Variants in FBXW8 observed in about 807,000 individuals in gnomAD.
FBXW8 encodes the protein F-box and WD repeat domain containing 8.
FBXW8 carries 57 observed loss-of-function variants against 65.3 expected under a neutral mutation model. The ratio of observed to expected loss-of-function variants is 0.87; its 90% CI spans 0.71 to 1.09. The LOEUF (loss-of-function observed/expected upper bound fraction) is 1.09, where lower values mean the gene tolerates loss of function less well. FBXW8 is among the 50% of genes least tolerant of loss of function. The probability of loss-of-function intolerance (pLI) is 0.00; values close to 1 mark genes in which losing one functional copy is unlikely to be tolerated. For missense variants in FBXW8, 777 were observed against 814.8 expected (o/e 0.95, Z 0.57); for synonymous variants, 308 against 330.2 (o/e 0.93, Z 0.73).
intron 4 of FBXW8, among the ~76,000 whole-genome samples, chr12:116,955,003 A>G (rs1209993535): frequency 1.4e-5 from 2 of 142,518 alleles, no homozygotes; most frequent in Non-Finnish European, 1.5e-5. Context: ...CCTCTTGGCA[A>G]CATTTGGTGC....
chr12:117,006,799 G>C (rs922579672), intron 7 of FBXW8, among the ~76,000 whole-genome samples: 4 of 152,220 alleles, frequency 2.6e-5, no homozygotes, highest in African/African-American at 9.6e-5. Flanking sequence ...GAAGATGATT[G>C]ATAAATATCT....
Position 117,028,157 on chromosome 12 carries a change from C to A in FBXW8, c.1782C>A (p.Pro594=). The A allele has an allele frequency of 1.2e-6, 2 of 1,614,110 alleles. No individual in the cohort carries two copies. Among genetic ancestry groups the A allele is most frequent in the African/African-American group, 2.7e-5 (2 of 75,064 alleles). ...THYYDLALAF[P]YNHV ...ACTACGACCTCGCACTGGCCTTTCCCTATAACCATGTTTAGGGATGTGCCT... is the reference window on the plus strand; with the variant it reads ...ACTACGACCTCGCACTGGCCTTTCCATATAACCATGTTTAGGGATGTGCCT... Residue 594 remains proline, a synonymous_variant, in exon 11 of 11, where the codon CCC becomes CCA. Coordinates refer to ENST00000652555, the MANE Select transcript of FBXW8 (RefSeq NM_153348.3). The surrounding 1 kb of genome is among the most constrained non-coding windows in gnomAD (Gnocchi z 4.1).
chr12:116,975,927 G>T (rs1052451468), intron 5 of FBXW8, among the ~76,000 whole-genome samples: 2 of 152,186 alleles, frequency 1.3e-5, no homozygotes, highest in Admixed American at 6.5e-5. Context: ...AAATATGCTG[G>T]TAAGAGGACA....
In FBXW8 at chr12:116,961,454, C is replaced by T. The variant is rs11068267; in HGVS notation, c.678-3243C>T. Among the ~76,000 whole-genome samples the T allele has an allele frequency of 8.5e-3, 1,286 of 152,160 alleles. 60 individuals carry two copies. The South Asian group carries it at 0.1, about 12-fold the overall frequency. Reference sequence around the variant, plus strand: ...AGCATTTGGGATCCTCTCTGGAAGCCGGCCCGTGTGAAGGGAGAGTAGAAA... The same window carrying T: ...AGCATTTGGGATCCTCTCTGGAAGCTGGCCCGTGTGAAGGGAGAGTAGAAA... On this transcript the variant is annotated intron_variant, in intron 4 of 10. Coordinates refer to ENST00000652555, the MANE Select transcript of FBXW8 (RefSeq NM_153348.3). The surrounding 1 kb of genome is among the most constrained non-coding windows in gnomAD (Gnocchi z 4.4).
At position 116,928,589 on chromosome 12, in the gene FBXW8, T is replaced by A. The variant is rs17501253; in HGVS notation, c.423+462T>A. Among the ~76,000 whole-genome samples, 7 of 152,254 alleles carry A rather than the reference T, an allele frequency of 4.6e-5. 1 individual carries two copies. In the South Asian group the frequency reaches 8.3e-4, roughly 18 times the overall value. Reference sequence around the variant, plus strand: ...ATAGTCCAAATTACCCTTTAAACTTTAGGATCTCACTCAGTGAGGTGCAAG... The same window carrying A: ...ATAGTCCAAATTACCCTTTAAACTTAAGGATCTCACTCAGTGAGGTGCAAG... On this transcript the variant is annotated intron_variant, in intron 2 of 10. Transcript: ENST00000652555.
chr12:116,988,759 G>C lies in FBXW8; in HGVS notation c.1129G>C (p.Ala377Pro). Residue 377 changes from alanine to proline, a missense_variant, in exon 7 of 11, where the codon GCC (alanine) becomes CCC (proline). Ala to Pro is a conservative substitution (Grantham distance 27). Transcript: ENST00000652555. ...GTACCTGCTCAAAGCCGAAGACTCC[G>C]CCAGAACCCTCCTTTACGCCCACGG... Reference protein sequence around the residue: ...LMYLLKAEDSARTLLYAHGPP... With the variant: ...LMYLLKAEDSPRTLLYAHGPP... 1 of 1,614,118 alleles carries C rather than the reference G, an allele frequency of 6.2e-7. No individual in the cohort carries two copies. Among genetic ancestry groups the C allele is most frequent in the Non-Finnish European group, 8.5e-7 (1 of 1,180,016 alleles).
intron 5 of FBXW8, chr12:116,980,490 A>G (rs995363775): frequency 6.6e-6 from 1 of 152,164 alleles, no homozygotes; most frequent in South Asian, 2.1e-4. Flanking sequence ...TGAATTCCTT[A>G]CCATAGGGCA....
chr12:116,982,665 G>C (rs1187176255), intron 5 of FBXW8, among the ~76,000 whole-genome samples: 1 of 148,850 alleles, frequency 6.7e-6, no homozygotes, highest in Non-Finnish European at 1.5e-5. Flanking sequence ...TCTCAGGATA[G>C]CTCTGTGCTA....
In FBXW8 at chr12:116,988,696, A is replaced by T. The variant is rs1211646103; in HGVS notation, c.1066A>T (p.Arg356Trp). Residue 356 changes from arginine to tryptophan, a missense_variant, in exon 7 of 11, where the codon AGG (arginine) becomes TGG (tryptophan). Transcript: ENST00000652555. ...CCTTGAAATAGTTCCAGAAACCAGA[A>T]GGTACCCTGTGGCAGTAGCCGCTGC... ...QYLEIVPETR[R>W]YPVAVAAAGD... 1 of 1,614,156 alleles carries T rather than the reference A, an allele frequency of 6.2e-7. No individual in the cohort carries two copies. Among genetic ancestry groups the T allele is most frequent in the Non-Finnish European group, 8.5e-7 (1 of 1,180,020 alleles).
At chr12:116,929,929 C>T (rs1426240063) in intron 2 of FBXW8, among the ~76,000 whole-genome samples, 1 of 152,164 alleles carries the variant, frequency 6.6e-6, no homozygotes, top group Admixed American at 6.5e-5. Flanking sequence ...TGAGATCATG[C>T]AATATTTGTC....
intron 7 of FBXW8, among the ~76,000 whole-genome samples, 186 bp from the exon 8 acceptor site, chr12:117,010,137 G>A (rs1953768210): frequency 6.6e-6 from 1 of 152,108 alleles, no homozygotes; most frequent in Non-Finnish European, 1.5e-5. Context: ...ATTTCTTTTT[G>A]GCACTCTTAA....
chr12:117,028,230 T>G lies in FBXW8; in HGVS notation c.*58T>G. On this transcript the variant is annotated 3_prime_UTR_variant, in exon 11 of 11. Coordinates refer to ENST00000652555, the MANE Select transcript of FBXW8 (RefSeq NM_153348.3). This position sits in a 1 kb window ranked among gnomAD's most constrained non-coding sequence, Gnocchi z 4.1. ...TGGGAAGAACCAGTTTTATCCATCTTAAAACGCCAGGCACCTCTTCACAGG... is the reference window on the plus strand; with the variant it reads ...TGGGAAGAACCAGTTTTATCCATCTGAAAACGCCAGGCACCTCTTCACAGG... 1 of 1,597,024 alleles carries G rather than the reference T, an allele frequency of 6.3e-7. No individual in the cohort carries two copies. Among genetic ancestry groups the G allele is most frequent in the South Asian group, 1.1e-5 (1 of 89,890 alleles).
chr12:116,952,453 C>G (rs1328121744), intron 4 of FBXW8, among the ~76,000 whole-genome samples: 2 of 152,126 alleles, frequency 1.3e-5, no homozygotes, highest in African/African-American at 2.4e-5. Flanking sequence ...AATTCCAGAA[C>G]ATTTTCATCA....
At chr12:116,981,352 A>T (rs1305123095) in intron 5 of FBXW8, among the ~76,000 whole-genome samples, 4 of 152,256 alleles carry the variant, frequency 2.6e-5, no homozygotes, top group Admixed American at 6.5e-5. Flanking sequence ...CAAACCTTGC[A>T]GAAGCTGCAG....
chr12:117,004,243 C>T (rs562830859), intron 7 of FBXW8, among the ~76,000 whole-genome samples: 11 of 152,254 alleles, frequency 7.2e-5, no homozygotes, highest in African/African-American at 2.4e-4. Flanking sequence ...CTGCTTAATC[C>T]GATTTCCTAC....
intron 9 of FBXW8, among the ~76,000 whole-genome samples, 155 bp from the exon 10 acceptor site, chr12:117,027,239 G>C (rs935166480): frequency 6.6e-6 from 1 of 152,198 alleles, no homozygotes; most frequent in African/African-American, 2.4e-5. Context: ...ACTGAGGTGA[G>C]ACACTGCTTC....
rs1282274070 is a variant in FBXW8, at chr12:117,029,097, CT to C, written c.*926del. 2 of 152,208 alleles carry C rather than the reference CT, an allele frequency of 1.3e-5. No homozygotes were observed. The highest frequency in any genetic ancestry group is 4.8e-5 in the African/African-American group (2 of 41,458). The allele number at this position is 152,208 out of a possible 1,614,324, so 9.4% of individuals were successfully genotyped here. On this transcript the variant is annotated 3_prime_UTR_variant, in exon 11 of 11. Transcript: ENST00000652555. ...GATCTGGAGGATTTACTTAGTATCG[CT>C]AACAAGCTGGATCCAGTAGATGCGT... is the stretch of plus-strand genomic sequence containing the variant.
intron 5 of FBXW8, among the ~76,000 whole-genome samples, chr12:116,966,881 A>G (rs529334356): frequency 2.5e-4 from 38 of 152,188 alleles, no homozygotes; most frequent in African/African-American, 9.1e-4. Context: ...ACAACAACCA[A>G]CTAATTTTTG....
At chr12:116,957,989 G>T (rs1452226744) in intron 4 of FBXW8, among the ~76,000 whole-genome samples, 1 of 152,132 alleles carries the variant, frequency 6.6e-6, no homozygotes, top group African/African-American at 2.4e-5. Context: ...CTGGTTCTCC[G>T]AGGAATAATG....
Sources: allele counts gnomAD v4.1 joint callset (sites outside exome capture counted in the v4.1 genomes callset), GRCh38; gene constraint gnomAD v4.1.1; non-coding constraint Gnocchi (gnomAD v3.1); transcripts MANE v1.5; gene names NCBI Gene and HGNC (gene_info 2026-07-23, HGNC 2026-07-21).